The following PADI2 variants were observed in gnomAD, a reference collection of about 807,000 sequenced individuals.
PADI2 encodes peptidyl arginine deiminase 2, also known as protein-arginine deiminase type-2.
Under a neutral mutation model 81.1 loss-of-function variants are expected in PADI2, and 70 were observed. That is an observed-to-expected ratio of 0.86 (90% CI 0.71 to 1.05). The LOEUF is 1.05. Ranked by LOEUF, PADI2 falls within the 50% of genes least tolerant of loss-of-function variation. The probability of loss-of-function intolerance (pLI) is 0.00; values close to 1 mark genes in which losing one functional copy is unlikely to be tolerated. For missense variants in PADI2, 853 were observed against 889.9 expected, an observed-to-expected ratio of 0.96 and a Z score of 0.53; for synonymous variants, 338 against 358.0, an observed-to-expected ratio of 0.94 and a Z score of 0.63.
At chr1:17,081,263 T>A (rs2078342414) in intron 10 of PADI2, among the ~76,000 whole-genome samples, 1 of 152,204 alleles carries the variant, frequency 6.6e-6, no homozygotes, top group Non-Finnish European at 1.5e-5. Flanking sequence ...ATAATGGTCA[T>A]TATATCAGAC....
chr1:17,084,134 C>T (rs2078367980), intron 8 of PADI2, among the ~76,000 whole-genome samples: 1 of 152,228 alleles, frequency 6.6e-6, no homozygotes, highest in Admixed American at 6.5e-5. Flanking sequence ...AAGAGCTCTG[C>T]CTGGCATGAA....
intron 2 of PADI2, among the ~76,000 whole-genome samples, chr1:17,103,444 A>C (rs1437378129): frequency 6.6e-6 from 1 of 152,130 alleles, no homozygotes; most frequent in South Asian, 2.1e-4. Flanking sequence ...GCACATGGTA[A>C]AGTTCATAAT....
intron 10 of PADI2, 24 bp downstream of exon 10, chr1:17,082,521 C>T (rs372245672): frequency 2.5e-5 from 36 of 1,419,566 alleles, no homozygotes; most frequent in South Asian, 4.6e-5. Flanking sequence ...ATGCTCCACC[C>T]GCAAGTGGCC....
chr1:17,083,946 GA>G, intron 8 of PADI2, 109 bp from the exon 9 acceptor site: 1 of 756,756 alleles, frequency 1.3e-6, no homozygotes, highest in East Asian at 2.5e-5. Flanking sequence ...GTGCCGGGCA[GA>G]TCAGTCTACA....
In PADI2 at chr1:17,071,417, G is replaced by C. The variant is rs2078263845; in HGVS notation, c.1624C>G (p.Leu542Val). The C allele has an allele frequency of 2.5e-6, 4 of 1,613,216 alleles. No individual in the cohort carries two copies. Among genetic ancestry groups the C allele is most frequent in the Non-Finnish European group, 3.4e-6 (4 of 1,179,314 alleles). Residue 542 changes from leucine (L) to valine (V), a missense_variant, in exon 14 of 16, where the codon CTG becomes GTG. Physicochemically the swap from Leu to Val is conservative, Grantham distance 32. Transcript: ENST00000375486. ...TGCCCTGCCCTCACCTGGAAGTACAGGTTCTCCTGCACAAGGCTCTCGTTG... is the reference window on the plus strand; with the variant it reads ...TGCCCTGCCCTCACCTGGAAGTACACGTTCTCCTGCACAAGGCTCTCGTTG... ...LSNESLVQEN[L>V]YFQRCLDWNR...
intron 11 of PADI2, 78 bp from the exon 12 acceptor site, chr1:17,075,901 G>A: frequency 7.2e-7 from 1 of 1,397,136 alleles, no homozygotes; most frequent in East Asian, 2.3e-5. Flanking sequence ...TGGTCTCTGG[G>A]ACCCACCTCG....
chr1:17,083,209 G>T, intron 9 of PADI2: 1 of 157,392 alleles, frequency 6.4e-6, no homozygotes, highest in Non-Finnish European at 1.4e-5. Flanking sequence ...ACCAGGCGTG[G>T]TGGTGCATGC....
chr1:17,092,839 C>T (rs1479388536), intron 5 of PADI2, among the ~76,000 whole-genome samples: 1 of 150,844 alleles, frequency 6.6e-6, no homozygotes, highest in African/African-American at 2.4e-5. Context: ...ATCCTGGCTA[C>T]TCAGGAGGCT....
intron 3 of PADI2, among the ~76,000 whole-genome samples, chr1:17,098,169 T>C (rs756845252): frequency 3.9e-5 from 6 of 152,172 alleles, no homozygotes; most frequent in Admixed American, 6.5e-5. Flanking sequence ...TGCTGTTCCC[T>C]GCAATGAACC....
Position 17,079,245 on chromosome 1 carries a change from C to A in PADI2, c.1310+19G>T, listed in dbSNP as rs767855816. The A allele has an allele frequency of 6.2e-7, 1 of 1,609,374 alleles. No homozygotes were observed. Among genetic ancestry groups the A allele is most frequent in the African/African-American group, 1.3e-5 (1 of 74,824 alleles). On this transcript the variant is annotated intron_variant, in intron 11 of 15. Coordinates refer to ENST00000375486, the MANE Select transcript of PADI2 (RefSeq NM_007365.3). Reference sequence around the variant, plus strand: ...TTCCCCACTCCCACAGCCCCTAGCCCCAGCCTGGCTTCTCTTACAGAGGAA... The same window carrying A: ...TTCCCCACTCCCACAGCCCCTAGCCACAGCCTGGCTTCTCTTACAGAGGAA...
At chr1:17,083,571 G>T in intron 9 of PADI2, 155 bp downstream of exon 9, 1 of 616,052 alleles carries the variant, frequency 1.6e-6, no homozygotes, top group Non-Finnish European at 2.9e-6. Context: ...TAGTGCACTT[G>T]TATGTTTATG....
At chr1:17,070,825 C>T (rs2078260140) in intron 14 of PADI2, among the ~76,000 whole-genome samples, 1 of 152,108 alleles carries the variant, frequency 6.6e-6, no homozygotes, top group African/African-American at 2.4e-5. Context: ...CCACGCCAGG[C>T]TAATTTTTGT....
chr1:17,073,223 C>A (rs2078276432), intron 13 of PADI2, among the ~76,000 whole-genome samples: 1 of 152,026 alleles, frequency 6.6e-6, no homozygotes, highest in African/African-American at 2.4e-5. Context: ...TGAGACCATC[C>A]CGGCTAACAT....
At chr1:17,108,637 G>A (rs1240330602) in intron 1 of PADI2, among the ~76,000 whole-genome samples, 2 of 152,080 alleles carry the variant, frequency 1.3e-5, no homozygotes, top group East Asian at 3.9e-4. Context: ...CCGTTCCCAA[G>A]GAGAGGTGTG....
chr1:17,077,450 C>T (rs1253238929), intron 11 of PADI2, among the ~76,000 whole-genome samples: 1 of 152,114 alleles, frequency 6.6e-6, no homozygotes, highest in African/African-American at 2.4e-5. Context: ...CTGAGCTCCT[C>T]GAGGGGGTTC....
At chr1:17,104,793 G>C (rs370156441) in intron 2 of PADI2, 85 bp downstream of exon 2, 3 of 1,207,796 alleles carry the variant, frequency 2.5e-6, no homozygotes, top group Non-Finnish European at 3.3e-6. Flanking sequence ...CCCACGTGCA[G>C]TTTCTATGGG....
intron 6 of PADI2, among the ~76,000 whole-genome samples, chr1:17,088,925 A>AAAACAAAAAAC (rs575253558): frequency 3.6e-5 from 3 of 83,360 alleles, no homozygotes; most frequent in South Asian, 3.4e-4. Context: ...AAAAAAAAAA[A>AAAACAAAAAAC]AAAAAACCAA....
rs1263551797 is a variant in PADI2 at position 17,066,926 on chromosome 1, T to C, written c.*2118A>G. 6.6e-6 allele frequency: 1 copy of C among 152,046 alleles called. No individual in the cohort carries two copies. The highest frequency in any genetic ancestry group is 1.9e-4 in the East Asian group (1 of 5,190). The allele number at this position is 152,046 out of a possible 1,614,324, so 9.4% of individuals were successfully genotyped here. A position where few individuals can be genotyped will look rare whatever the true frequency, so the allele number is the denominator to read the frequency against. On this transcript the variant is annotated 3_prime_UTR_variant, in exon 16 of 16. Transcript: ENST00000375486. ...TACATAAGATATTTCAACATCAAGG[T>C]GGAAGCAGGAACTTAGCTGAGTTTT...
intron 10 of PADI2, among the ~76,000 whole-genome samples, chr1:17,081,615 C>G (rs751211701): frequency 1.3e-5 from 2 of 152,180 alleles, no homozygotes; most frequent in Non-Finnish European, 2.9e-5. Flanking sequence ...GGAAAAGTCC[C>G]CTGATCTATT....
Sources: gnomAD v4.1 joint callset for allele counts (sites outside exome capture counted in the v4.1 genomes callset) on GRCh38, gnomAD v4.1.1 for gene constraint, MANE v1.5 for transcripts, NCBI Gene and HGNC (gene_info 2026-07-23, HGNC 2026-07-21) for gene names.